The following MTMR3 variants were observed in gnomAD, a reference collection of about 807,000 sequenced individuals.
MTMR3 encodes phosphatidylinositol-3,5-bisphosphate 3-phosphatase MTMR3.
In MTMR3, 32 loss-of-function variants were observed where a neutral mutation model predicts 132.4. The observed-to-expected ratio is 0.24, with a 90% CI of 0.18 to 0.32. The LOEUF (loss-of-function observed/expected upper bound fraction) is 0.32, where lower values mean the gene tolerates loss of function less well. Among genes scored for constraint, MTMR3 ranks in the 10% least tolerant of loss-of-function variants. The probability of loss-of-function intolerance (pLI) is 1.00; values close to 1 mark genes in which losing one functional copy is unlikely to be tolerated. For missense variants in MTMR3, 1,216 were observed against 1,489.6 expected, an observed-to-expected ratio of 0.82 and a Z score of 3.02; for synonymous variants, 556 against 550.3, an observed-to-expected ratio of 1.01 and a Z score of -0.14.
intron 1 of MTMR3, among the ~76,000 whole-genome samples, chr22:29,907,618 C>T (rs1480457091): frequency 3.3e-5 from 5 of 152,044 alleles, no homozygotes; most frequent in Non-Finnish European, 7.4e-5. Context: ...TTTAAATGTA[C>T]CCATTTGCAT....
chr22:29,980,862 T>C (rs1317944950), intron 5 of MTMR3: 1 of 152,232 alleles, frequency 6.6e-6, no homozygotes, highest in African/African-American at 2.4e-5. Flanking sequence ...TCAGATTGTT[T>C]AGCATGACAT....
rs112326125 is a variant in MTMR3 at position 30,026,339 on chromosome 22, G to A, written c.*538G>A. 9.9e-3 allele frequency: 1,541 copies of A among 155,224 alleles called. 26 individuals are homozygous for A. The highest frequency in any genetic ancestry group is 0.035 in the African/African-American group (1,440 of 41,608). The allele number at this position is 155,224 out of a possible 1,614,324, so 9.6% of individuals were successfully genotyped here. ...GCCCTGGGCATCATCTCCCTCCTGC[G>A]AGGAGCTGAGCCAGTCCCCTCACAG... On this transcript the variant is annotated 3_prime_UTR_variant, in exon 20 of 20. Transcript: ENST00000401950.
At chr22:29,914,370 C>T (rs2065270424) in intron 1 of MTMR3, among the ~76,000 whole-genome samples, 1 of 152,140 alleles carries the variant, frequency 6.6e-6, no homozygotes, top group Non-Finnish European at 1.5e-5. Flanking sequence ...ATTATCTTTT[C>T]ATGTGCTTAT....
At chr22:29,935,509 G>A (rs17644868) in intron 1 of MTMR3, among the ~76,000 whole-genome samples, 1 of 152,132 alleles carries the variant, frequency 6.6e-6, no homozygotes, top group Non-Finnish European at 1.5e-5. Context: ...CCTTTTGAAA[G>A]CCTTGTTTAA....
At chr22:29,894,522 G>GTGTA (rs1309944967) in intron 1 of MTMR3, among the ~76,000 whole-genome samples, 1 of 151,988 alleles carries the variant, frequency 6.6e-6, no homozygotes, top group East Asian at 1.9e-4. Flanking sequence ...GTGTGTGTGT[G>GTGTA]TGTGTGTGTG....
chr22:29,940,497 C>G (rs2065837764), intron 1 of MTMR3, among the ~76,000 whole-genome samples: 1 of 150,080 alleles, frequency 6.7e-6, no homozygotes, highest in Non-Finnish European at 1.5e-5. Flanking sequence ...TTGGTGGACT[C>G]TCTTCACACG....
intron 1 of MTMR3, among the ~76,000 whole-genome samples, chr22:29,938,749 C>T (rs546517680): frequency 2.2e-4 from 34 of 152,244 alleles, no homozygotes; most frequent in African/African-American, 7.9e-4. Flanking sequence ...AATGTTTGCT[C>T]AGGACCAGCT....
intron 3 of MTMR3, among the ~76,000 whole-genome samples, chr22:29,972,881 C>T (rs1256276614): frequency 1.3e-5 from 2 of 152,112 alleles, no homozygotes; most frequent in Non-Finnish European, 2.9e-5. Flanking sequence ...GGTTATATTC[C>T]TTTCTAACTA....
At chr22:29,969,983 C>T (rs1013674024) in intron 2 of MTMR3, among the ~76,000 whole-genome samples, 4 of 152,166 alleles carry the variant, frequency 2.6e-5, no homozygotes, top group African/African-American at 9.7e-5. Context: ...GCCCAGACTC[C>T]CTGAAATATC....
At chr22:29,927,958 T>TTTG (rs10685422) in intron 1 of MTMR3, among the ~76,000 whole-genome samples, 2 of 148,098 alleles carry the variant, frequency 1.4e-5, no homozygotes, top group Non-Finnish European at 3.0e-5. Context: ...TTTTTTTTTT[T>TTTG]GAGACGACGT....
At chr22:29,952,358 T>G (rs2066099618) in intron 1 of MTMR3, among the ~76,000 whole-genome samples, 1 of 151,944 alleles carries the variant, frequency 6.6e-6, no homozygotes, top group African/African-American at 2.4e-5. Context: ...CTTCCAGACC[T>G]TAATGTTTCC....
At chr22:29,899,981 T>C (rs960487886) in intron 1 of MTMR3, among the ~76,000 whole-genome samples, 3 of 152,244 alleles carry the variant, frequency 2.0e-5, no homozygotes, top group Non-Finnish European at 4.4e-5. Flanking sequence ...TCTTTTAGCT[T>C]TTGATGTAAC....
chr22:29,941,817 C>CA (rs924011270), intron 1 of MTMR3, among the ~76,000 whole-genome samples: 6 of 152,000 alleles, frequency 3.9e-5, no homozygotes, highest in Admixed American at 3.9e-4. Flanking sequence ...GGCATCTCTA[C>CA]AAAAAAATAA....
In MTMR3 at chr22:30,030,091, T is replaced by C. The variant is rs1231665483; in HGVS notation, c.*4290T>C. The stretch of plus-strand genomic sequence containing the variant: ...CCTCCCTGCTTGAACAGGCCTCTCC[T>C]AGGCTAGGCAGGTGTTCAGAGGCAT... On this transcript the variant is annotated 3_prime_UTR_variant, in exon 20 of 20. Coordinates refer to ENST00000401950, the MANE Select transcript of MTMR3 (RefSeq NM_021090.4). The C allele has an allele frequency of 1.3e-5, 2 of 152,224 alleles. No homozygotes were observed. Among genetic ancestry groups the C allele is most frequent in the Non-Finnish European group, 2.9e-5 (2 of 68,014 alleles). The allele number at this position is 152,224 out of a possible 1,614,324, so 9.4% of individuals were successfully genotyped here.
Position 30,007,278 on chromosome 22 carries a change from G to C in MTMR3, c.836G>C (p.Arg279Pro). The change falls in exon 10 of 20, where the codon CGA becomes CCA. Residue 279 changes from arginine to proline, a missense_variant. Around this residue, in one of 7 missense-constraint regions of MTMR3, gnomAD observed 47 missense variants for 46.8 expected, o/e 1.00. Coordinates refer to ENST00000401950, the MANE Select transcript of MTMR3 (RefSeq NM_021090.4). Reference protein sequence around the residue: ...GSKLSTRNTSRDFPNGGDLSD... With the variant: ...GSKLSTRNTSPDFPNGGDLSD... The stretch of plus-strand genomic sequence containing the variant: ...AAGCTGTCAACTAGGAACACTTCTC[G>C]AGACTTTCCCAATGGGGGAGACCTT... 2 of 1,614,180 alleles carry C rather than the reference G, an allele frequency of 1.2e-6. No individual in the cohort carries two copies. Among genetic ancestry groups the C allele is most frequent in the Non-Finnish European group, 1.7e-6 (2 of 1,180,032 alleles).
At chr22:30,023,296 A>T in intron 19 of MTMR3, 1 of 700,560 alleles carries the variant, frequency 1.4e-6, no homozygotes, top group Non-Finnish European at 2.6e-6. Flanking sequence ...AGTTTATCTG[A>T]ATCATGCCAT....
At chr22:29,931,414 T>C (rs1388082059) in intron 1 of MTMR3, among the ~76,000 whole-genome samples, 1 of 152,118 alleles carries the variant, frequency 6.6e-6, no homozygotes, top group African/African-American at 2.4e-5. Flanking sequence ...CAAAGCTGTT[T>C]TTTTGTTTTA....
intron 1 of MTMR3, among the ~76,000 whole-genome samples, chr22:29,929,338 G>A (rs1002918804): frequency 1.3e-5 from 2 of 152,012 alleles, no homozygotes; most frequent in Non-Finnish European, 1.5e-5. Context: ...TTGAAATTAA[G>A]CAACATCTTA....
intron 1 of MTMR3, among the ~76,000 whole-genome samples, chr22:29,926,003 C>G (rs1208878087): frequency 6.6e-6 from 1 of 152,160 alleles, no homozygotes; most frequent in Non-Finnish European, 1.5e-5. Flanking sequence ...TATTTAATTT[C>G]AGAATCCCTA....
Sources: gnomAD v4.1 joint callset for allele counts (sites outside exome capture counted in the v4.1 genomes callset) on GRCh38, gnomAD v4.1.1 for gene constraint, gnomAD v4.1.1 regional missense constraint, MANE v1.5 for transcripts, NCBI Gene and HGNC (gene_info 2026-07-23, HGNC 2026-07-21) for gene names.